Variants in ACSM6 observed in about 807,000 individuals in gnomAD.
ACSM6 encodes acyl-CoA synthetase medium chain family member 6, also known as acyl-coenzyme A synthetase ACSM6, mitochondrial.
ACSM6 carries 35 observed loss-of-function variants against 51.1 expected under a neutral mutation model. The observed-to-expected ratio is 0.69, with a 90% confidence interval of 0.52 to 0.91. ACSM6 has a LOEUF of 0.91. ACSM6 is among the 40% of genes least tolerant of loss of function. The probability of loss-of-function intolerance (pLI) is 0.00; values close to 1 mark genes in which losing one functional copy is unlikely to be tolerated. For missense variants in ACSM6, 509 were observed against 584.1 expected, an observed-to-expected ratio of 0.87 and a Z score of 1.32; for synonymous variants, 172 against 207.3, an observed-to-expected ratio of 0.83 and a Z score of 1.46.
intron 7 of ACSM6, among the ~76,000 whole-genome samples, chr10:95,214,568 T>G (rs991909369): frequency 6.6e-6 from 1 of 152,230 alleles, no homozygotes; most frequent in African/African-American, 2.4e-5. Context: ...CAGAAGGGTT[T>G]CTGCAGAAGG....
intron 9 of ACSM6, among the ~76,000 whole-genome samples, chr10:95,224,530 AGCTGG>A (rs1464632158): frequency 1.3e-5 from 2 of 152,206 alleles, no homozygotes; most frequent in Non-Finnish European, 2.9e-5. Flanking sequence ...CCTCCCAAGT[AGCTGG>A]GATTATAGGC....
Position 95,194,457 on chromosome 10 carries a change from T to C in ACSM6, c.-21-8T>C. On this transcript the variant is annotated splice_region_variant and splice_polypyrimidine_tract_variant and intron_variant, in intron 1 of 10. Transcript: ENST00000341686. ...AATTACTCCCTGTCTTTTCCTCAATTTACCTAGGTGGTTCCCTGTCTGACC... is the reference window on the plus strand; with the variant it reads ...AATTACTCCCTGTCTTTTCCTCAATCTACCTAGGTGGTTCCCTGTCTGACC... 6.5e-7 allele frequency: 1 copy of C among 1,545,138 alleles called. No homozygotes were observed.
At chr10:95,207,509 T>A in intron 4 of ACSM6, 94 bp downstream of exon 4, 1 of 1,297,968 alleles carries the variant, frequency 7.7e-7, no homozygotes, top group African/African-American at 1.5e-5. Flanking sequence ...GTGGTCAGAA[T>A]GAAAAGCTGA....
intron 10 of ACSM6, 182 bp from the exon 11 acceptor site, chr10:95,228,462 A>G: frequency 1.8e-6 from 1 of 542,012 alleles, no homozygotes; most frequent in South Asian, 3.8e-5. Flanking sequence ...TGAAGTTAAG[A>G]GAAATGACCA....
intron 4 of ACSM6, 59 bp downstream of exon 4, chr10:95,207,474 G>A (rs1379511318): frequency 1.3e-6 from 2 of 1,534,490 alleles, no homozygotes; most frequent in Non-Finnish European, 1.8e-6. Context: ...TTTGAAAGAT[G>A]ATGATATATG....
intron 4 of ACSM6, among the ~76,000 whole-genome samples, chr10:95,207,794 T>G (rs1465966089): frequency 6.7e-6 from 1 of 148,346 alleles, no homozygotes; most frequent in African/African-American, 2.5e-5. Context: ...CTATATATAA[T>G]GGAATACTAT....
chr10:95,225,669 C>A (rs943252026), intron 10 of ACSM6: 3 of 281,176 alleles, frequency 1.1e-5, no homozygotes, highest in African/African-American at 2.2e-5. Flanking sequence ...CAGCAGCATC[C>A]TCCTAATAAG....
chr10:95,226,867 C>T (rs1282926675), intron 10 of ACSM6, among the ~76,000 whole-genome samples: 3 of 151,808 alleles, frequency 2.0e-5, no homozygotes, highest in Non-Finnish European at 4.4e-5. Context: ...GTGTATATAT[C>T]CTTCATTCTT....
At position 95,210,672 on chromosome 10, in the gene ACSM6, T is replaced by C. The variant is rs761154955; in HGVS notation, c.634T>C (p.Tyr212His). 5.0e-6 allele frequency: 8 copies of C among 1,613,858 alleles called. No homozygotes were observed. The Admixed American group carries it at 1.3e-4, about 27-fold the overall frequency. Residue 212 changes from tyrosine (Y) to histidine (H), a missense_variant, in exon 5 of 11, where the codon TAC becomes CAC. Physicochemically the swap from Tyr to His is moderately conservative, Grantham distance 83. Transcript: ENST00000341686. Reference sequence around the variant, plus strand: ...CAGAGTTGCCCCTCCAAAGCAGACCTACATGAGGACCAAAAGCCAAGATCC... The same window carrying C: ...CAGAGTTGCCCCTCCAAAGCAGACCCACATGAGGACCAAAAGCCAAGATCC...
chr10:95,201,532 C>G, intron 2 of ACSM6: 1 of 455,060 alleles, frequency 2.2e-6, no homozygotes, highest in South Asian at 1.6e-5. Context: ...GTATGTATAC[C>G]ACATTGTCTT....
chr10:95,202,083 G>C, exon 3 of ACSM6: 2 of 1,552,090 alleles, frequency 1.3e-6, no homozygotes, highest in Non-Finnish European at 8.7e-7. Context: ...TCTCCAAGAA[G>C]GCCGCCAGCA....
chr10:95,203,959 G>A (rs1207937997), intron 3 of ACSM6, among the ~76,000 whole-genome samples: 2 of 151,854 alleles, frequency 1.3e-5, no homozygotes, highest in East Asian at 1.9e-4. Flanking sequence ...AAGAGAGGAA[G>A]GGAGTGAACC....
rs748978922 is a variant in ACSM6 at position 95,214,834 on chromosome 10, C to A, written c.996-18C>A. The A allele has an allele frequency of 1.0e-5, 16 of 1,549,850 alleles. No individual in the cohort carries two copies. Among genetic ancestry groups the A allele is most frequent in the Admixed American group, 2.0e-5 (1 of 50,566 alleles). On this transcript the variant is annotated intron_variant, in intron 7 of 10. Transcript: ENST00000341686. ...AAATATTCCCTGAGGCTAAGAACAA[C>A]TTTTGATGCCTCTCCAGCTACAGAT...
intron 2 of ACSM6, among the ~76,000 whole-genome samples, chr10:95,195,643 G>A (rs900104663): frequency 1.6e-4 from 24 of 152,242 alleles, no homozygotes; most frequent in South Asian, 6.2e-4. Flanking sequence ...AGTGAGCAGC[G>A]AGAGTTATTT....
chr10:95,206,288 T>A (rs1589492929), intron 3 of ACSM6, among the ~76,000 whole-genome samples: 1 of 152,244 alleles, frequency 6.6e-6, no homozygotes, highest in East Asian at 1.9e-4. Context: ...TCAGTTACCA[T>A]AATGTTTTCA....
At chr10:95,211,062 CTG>C (rs1398867532) in intron 5 of ACSM6, among the ~76,000 whole-genome samples, 2 of 152,136 alleles carry the variant, frequency 1.3e-5, no homozygotes, top group Non-Finnish European at 2.9e-5. Flanking sequence ...CAAAGACACA[CTG>C]TGGGATGTTA....
intron 8 of ACSM6, among the ~76,000 whole-genome samples, chr10:95,217,604 C>A (rs953191483): frequency 2.0e-5 from 3 of 152,098 alleles, no homozygotes; most frequent in African/African-American, 7.2e-5. Context: ...GAAGGGAATT[C>A]CATAATCTTG....
chr10:95,200,001 G>A (rs2034775790), intron 2 of ACSM6, among the ~76,000 whole-genome samples: 1 of 152,048 alleles, frequency 6.6e-6, no homozygotes, highest in African/African-American at 2.4e-5. Flanking sequence ...CCCATTACTG[G>A]GTATATACCC....
intron 2 of ACSM6, chr10:95,201,757 G>T (rs1459400506): frequency 1.4e-5 from 8 of 581,742 alleles, no homozygotes; most frequent in Non-Finnish European, 2.5e-5. Context: ...CTCTCAGGAG[G>T]TTCTTCCCTA....
Sources: allele counts gnomAD v4.1 joint callset (sites outside exome capture counted in the v4.1 genomes callset), GRCh38; gene constraint gnomAD v4.1.1; transcripts MANE v1.5; gene names NCBI Gene and HGNC (gene_info 2026-07-23, HGNC 2026-07-21).